Variants in MAMLD1 observed in about 807,000 individuals in gnomAD.
MAMLD1 encodes mastermind-like domain-containing protein 1.
A neutral mutation model predicts 45.0 loss-of-function variants in MAMLD1; 14 were observed. The observed-to-expected ratio is 0.31, with a 90% CI of 0.21 to 0.49. The LOEUF is 0.49. Among genes scored for constraint, MAMLD1 ranks in the 20% least tolerant of loss-of-function variants. The pLI, the probability that MAMLD1 is intolerant of heterozygous loss-of-function variation, is 0.99. For missense variants in MAMLD1, 543 were observed against 603.6 expected (o/e 0.90, Z 1.05); for synonymous variants, 254 against 247.8 (o/e 1.02, Z -0.24).
intron 1 of MAMLD1, among the ~76,000 whole-genome samples, chrX:150,400,937 T>G (rs1163488410): frequency 9.2e-6 from 1 of 109,045 alleles, no homozygotes; most frequent in Non-Finnish European, 1.9e-5. Context: ...GTTGTGTCTC[T>G]GCCTGGCTTT....
intron 4 of MAMLD1, among the ~76,000 whole-genome samples, chrX:150,472,993 G>A (rs2036475019): frequency 8.9e-6 from 1 of 112,113 alleles, no homozygotes; most frequent in Non-Finnish European, 1.9e-5. Flanking sequence ...ATTGCTCTGA[G>A]TCGTCTTGCT....
rs145652940 is a variant in MAMLD1 at position 150,506,058 on chromosome X, C to T, written c.2284+2541C>T. ...GCAAAGGGAAAGTCAGAAGGGTGAA[C>T]GAGTTGTTTCTAATTCTGGCTTCCA... On this transcript the variant is annotated intron_variant, in intron 6 of 7. Coordinates refer to ENST00000370401, the MANE Select transcript of MAMLD1 (RefSeq NM_005491.5). 1.9e-3 allele frequency among the ~76,000 whole-genome samples: 213 copies of T among 112,160 alleles called. 1 individual carries two copies. Among genetic ancestry groups the T allele is most frequent in the African/African-American group, 6.7e-3 (206 of 30,894 alleles).
Position 150,415,674 on chromosome X carries a change from C to T in MAMLD1, c.-63-29780C>T, listed in dbSNP as rs781947946. ...ATTGATAATCAACTATGCTTACAGT[C>T]GAGGAATGGTAGTGGATGACATTCC... On this transcript the variant is annotated intron_variant, in intron 1 of 7. Coordinates refer to ENST00000370401, the MANE Select transcript of MAMLD1 (RefSeq NM_005491.5). Among the ~76,000 whole-genome samples, 8 of 112,086 alleles carry T rather than the reference C, an allele frequency of 7.1e-5. No individual in the cohort carries two copies. The South Asian group carries it at 2.6e-3, about 37-fold the overall frequency.
intron 1 of MAMLD1, among the ~76,000 whole-genome samples, chrX:150,410,225 G>T (rs2034091658): frequency 8.9e-6 from 1 of 112,222 alleles, no homozygotes; most frequent in African/African-American, 3.2e-5. Flanking sequence ...TTGACTCCTA[G>T]GCCAGCTCTT....
chrX:150,408,059 T>C, intron 1 of MAMLD1, among the ~76,000 whole-genome samples: 1 of 111,775 alleles, frequency 8.9e-6, no homozygotes, highest in East Asian at 2.8e-4. Flanking sequence ...AGCCAACTGT[T>C]ATGTTTTCAG....
chrX:150,404,222 G>A (rs1435155101), intron 1 of MAMLD1, among the ~76,000 whole-genome samples: 3 of 111,907 alleles, frequency 2.7e-5, no homozygotes, highest in African/African-American at 9.8e-5. Context: ...TGAAGGGTAA[G>A]GAGGCAAGGT....
At chrX:150,373,011 C>A (rs1462275596) in intron 1 of MAMLD1, among the ~76,000 whole-genome samples, 1 of 111,609 alleles carries the variant, frequency 9.0e-6, no homozygotes, top group Admixed American at 9.4e-5. Context: ...GAGGTCTTGT[C>A]CCACAGCACG....
intron 1 of MAMLD1, among the ~76,000 whole-genome samples, chrX:150,439,839 C>G (rs1193538884): frequency 9.0e-6 from 1 of 111,122 alleles, no homozygotes; most frequent in Admixed American, 9.5e-5. Flanking sequence ...TCCCAGCTCC[C>G]CAGGAAGCTG....
chrX:150,417,727 T>C (rs1368342979), intron 1 of MAMLD1, among the ~76,000 whole-genome samples: 5 of 108,549 alleles, frequency 4.6e-5, no homozygotes, highest in African/African-American at 1.7e-4. Flanking sequence ...TGGTATCTCA[T>C]TGTGGTTTTG....
intron 5 of MAMLD1, among the ~76,000 whole-genome samples, chrX:150,483,521 C>T (rs1263201576): frequency 8.9e-6 from 1 of 112,708 alleles, no homozygotes; most frequent in Non-Finnish European, 1.9e-5. Flanking sequence ...GATAGACACT[C>T]TCAGTCTTCA....
In MAMLD1 at chrX:150,512,520, G is replaced by C. The variant is rs2037931967; in HGVS notation, c.*561G>C. On this transcript the variant is annotated 3_prime_UTR_variant, in exon 8 of 8. Transcript: ENST00000370401. Reference sequence around the variant, plus strand: ...CAGCACTCACCTTCTGGCCAGGCCTGCCTTCAGAGGCCATCTGATTGGGAG... The same window carrying C: ...CAGCACTCACCTTCTGGCCAGGCCTCCCTTCAGAGGCCATCTGATTGGGAG... 1.7e-6 allele frequency: 2 copies of C among 1,156,003 alleles called. No individual in the cohort carries two copies. Among genetic ancestry groups the C allele is most frequent in the South Asian group, 3.8e-5 (2 of 52,740 alleles).
chrX:150,403,973 A>AAAGAAAGAAAGG (rs1320972621), intron 1 of MAMLD1, among the ~76,000 whole-genome samples: 11 of 92,373 alleles, frequency 1.2e-4, no homozygotes, highest in African/African-American at 4.5e-4. Context: ...AGAAAGAAAG[A>AAAGAAAGAAAGG]AAGAAAGAAA....
chrX:150,482,842 T>C (rs2036861134), intron 5 of MAMLD1, among the ~76,000 whole-genome samples: 1 of 112,493 alleles, frequency 8.9e-6, no homozygotes, highest in Non-Finnish European at 1.9e-5. Context: ...GGAGAAATGA[T>C]AATACGTAGG....
chrX:150,399,444 C>A (rs1196671610), intron 1 of MAMLD1, among the ~76,000 whole-genome samples: 1 of 111,819 alleles, frequency 8.9e-6, no homozygotes, highest in African/African-American at 3.3e-5. Flanking sequence ...GAAATCTTAA[C>A]CCTTAGAACC....
At chrX:150,480,801 T>C (rs2036729396) in intron 5 of MAMLD1, among the ~76,000 whole-genome samples, 1 of 111,923 alleles carries the variant, frequency 8.9e-6, no homozygotes, top group South Asian at 3.7e-4. Context: ...ATATATATAG[T>C]CCTGGGCTAA....
chrX:150,372,031 T>C (rs2032031653), intron 1 of MAMLD1, among the ~76,000 whole-genome samples: 1 of 111,957 alleles, frequency 8.9e-6, no homozygotes, highest in South Asian at 3.7e-4. Context: ...AACATCCATT[T>C]TGCACCCATG....
chrX:150,366,627 C>G (rs1439843629), intron 1 of MAMLD1, among the ~76,000 whole-genome samples: 1 of 112,060 alleles, frequency 8.9e-6, no homozygotes, highest in African/African-American at 3.2e-5. Context: ...TAACAGCCCT[C>G]TTTTCACTTC....
At chrX:150,455,023 T>C (rs782504241) in intron 2 of MAMLD1, among the ~76,000 whole-genome samples, 39 of 108,607 alleles carry the variant, frequency 3.6e-4, no homozygotes, top group East Asian at 2.9e-4. Context: ...TACACGTACA[T>C]GGTTATATGA....
intron 5 of MAMLD1, among the ~76,000 whole-genome samples, chrX:150,489,845 G>T (rs2037125740): frequency 1.8e-5 from 2 of 111,227 alleles, no homozygotes; most frequent in Non-Finnish European, 3.8e-5. Flanking sequence ...GGAAGAGCAA[G>T]AGAAGGTGGG....
Sources: allele counts gnomAD v4.1 joint callset (sites outside exome capture counted in the v4.1 genomes callset), GRCh38; gene constraint gnomAD v4.1.1; transcripts MANE v1.5; gene names NCBI Gene and HGNC (gene_info 2026-07-23, HGNC 2026-07-21).